The following GMFB variants were observed in gnomAD, a reference collection of about 807,000 sequenced individuals.
GMFB encodes the protein GMF-beta.
GMFB carries 13 observed loss-of-function variants against 25.6 expected under a neutral mutation model. The observed-to-expected ratio is 0.51, with a 90% CI of 0.33 to 0.81. The LOEUF (loss-of-function observed/expected upper bound fraction) is 0.81, where lower values mean the gene tolerates loss of function less well. Ranked by LOEUF, GMFB falls within the 30% of genes least tolerant of loss-of-function variation. GMFB has a pLI of 0.02. For synonymous variants in GMFB, 57 were observed against 56.9 expected (o/e 1.00, Z 0.00); for missense variants, 146 against 175.4 (o/e 0.83, Z 0.95).
chr14:54,488,976 A>G lies in GMFB; in HGVS notation c.-49T>C, dbSNP rs1179555060. 2.0e-6 allele frequency: 3 copies of G among 1,510,492 alleles called. No homozygotes were observed. The highest frequency in any genetic ancestry group is 2.7e-6 in the Non-Finnish European group (3 of 1,122,752). The allele number at this position is 1,510,492 out of a possible 1,614,324, so 93.6% of individuals were successfully genotyped here. A position where few individuals can be genotyped will look rare whatever the true frequency, so the allele number is the denominator to read the frequency against. On this transcript the variant is annotated 5_prime_UTR_variant, in exon 1 of 7. Coordinates refer to ENST00000358056, the MANE Select transcript of GMFB (RefSeq NM_004124.3). ...TGTCGCCTACACTCGGGCGCCTTTA[A>G]GAATGGCACGGCGGCCGCCTCCCTT...
At chr14:54,488,589 C>A in intron 1 of GMFB, 1 of 314,870 alleles carries the variant, frequency 3.2e-6, no homozygotes, top group Non-Finnish European at 5.8e-6. Flanking sequence ...GGGGCAGACC[C>A]CTTTCCCTCC....
rs148591944 is a variant in GMFB at position 54,474,721 on chromosome 14, T to C, written c.*3367A>G. 2 of 152,640 alleles carry C rather than the reference T, an allele frequency of 1.3e-5. No homozygotes were observed. Among genetic ancestry groups the C allele is most frequent in the Non-Finnish European group, 2.9e-5 (2 of 68,030 alleles). The allele number at this position is 152,640 out of a possible 1,614,324, so 9.5% of individuals were successfully genotyped here. A position where few individuals can be genotyped will look rare whatever the true frequency, so the allele number is the denominator to read the frequency against. ...TTGGACCATCTAAATCAGTGGGAACTGCCCTGGCATGTTAATGATCTCAAA... is the reference window on the plus strand; with the variant it reads ...TTGGACCATCTAAATCAGTGGGAACCGCCCTGGCATGTTAATGATCTCAAA... On this transcript the variant is annotated 3_prime_UTR_variant, in exon 7 of 7. Transcript: ENST00000358056.
intron 1 of GMFB, among the ~76,000 whole-genome samples, chr14:54,485,970 G>A (rs1329652132): frequency 2.6e-5 from 4 of 152,152 alleles, no homozygotes; most frequent in African/African-American, 9.7e-5. Context: ...CCAGACCCCG[G>A]GCCGGGCACA....
intron 1 of GMFB, among the ~76,000 whole-genome samples, chr14:54,487,706 T>A (rs541176404): frequency 1.4e-4 from 21 of 152,076 alleles, no homozygotes; most frequent in African/African-American, 4.8e-4. Context: ...AGAGTGAAAC[T>A]CCGACTCAAA....
chr14:54,479,700 A>C (rs984675740), intron 6 of GMFB, 86 bp downstream of exon 6: 54 of 765,054 alleles, frequency 7.1e-5, no homozygotes, highest in Middle Eastern at 2.6e-4. Flanking sequence ...CCTGCATAAA[A>C]AATACTCCTT....
At chr14:54,483,628 A>C in intron 2 of GMFB, 43 bp downstream of exon 2, 1 of 993,122 alleles carries the variant, frequency 1.0e-6, no homozygotes, top group Non-Finnish European at 1.6e-6. Flanking sequence ...GATTAAAAAC[A>C]AATTAAGACC....
chr14:54,482,324 T>C (rs1008621003), intron 2 of GMFB, 122 bp from the exon 3 acceptor site: 4 of 635,952 alleles, frequency 6.3e-6, no homozygotes, highest in South Asian at 2.0e-5. Flanking sequence ...AACAGAAGCA[T>C]ATAACTAATT....
intron 1 of GMFB, among the ~76,000 whole-genome samples, chr14:54,484,998 C>T (rs1024792885): frequency 6.6e-6 from 1 of 151,846 alleles, no homozygotes; most frequent in African/African-American, 2.4e-5. Context: ...AAACCCTCAA[C>T]AAATTGGGTA....
intron 2 of GMFB, 53 bp from the exon 3 acceptor site, chr14:54,482,255 T>A: frequency 8.9e-7 from 1 of 1,126,562 alleles, no homozygotes; most frequent in Non-Finnish European, 1.3e-6. Flanking sequence ...GACCCTGATC[T>A]GCCCAACCCA....
chr14:54,484,232 A>C (rs1281343089), intron 1 of GMFB, among the ~76,000 whole-genome samples: 1 of 152,128 alleles, frequency 6.6e-6, no homozygotes, highest in East Asian at 1.9e-4. Context: ...AAAAAAATAT[A>C]AGCAACAAAA....
At chr14:54,486,185 G>C (rs2031779791) in intron 1 of GMFB, among the ~76,000 whole-genome samples, 1 of 152,158 alleles carries the variant, frequency 6.6e-6, no homozygotes, top group South Asian at 2.1e-4. Flanking sequence ...GGGAGGCTGA[G>C]GTTGCAGTGA....
chr14:54,479,161 G>A (rs1266716738), intron 6 of GMFB: 1 of 152,014 alleles, frequency 6.6e-6, no homozygotes, highest in Non-Finnish European at 1.5e-5. Context: ...GTCTAACACA[G>A]TTTTGGCAAT....
chr14:54,481,519 A>G (rs953192093), intron 3 of GMFB, 61 bp from the exon 4 acceptor site: 1 of 1,017,392 alleles, frequency 9.8e-7, no homozygotes, highest in African/African-American at 1.6e-5. Flanking sequence ...CTTAAGAGAT[A>G]CACCAAGCAC....
chr14:54,487,903 T>C (rs1266381329), intron 1 of GMFB, among the ~76,000 whole-genome samples: 7 of 152,186 alleles, frequency 4.6e-5, no homozygotes, highest in Admixed American at 4.6e-4. Flanking sequence ...GAAAGGAGAA[T>C]AGTCTGAAAG....
In GMFB at chr14:54,474,554, A is replaced by G. The variant is rs1290737887; in HGVS notation, c.*3534T>C. 6.5e-6 allele frequency: 1 copy of G among 152,672 alleles called. No homozygotes were observed. Among genetic ancestry groups the G allele is most frequent in the African/African-American group, 2.4e-5 (1 of 41,466 alleles). 9.5% of individuals were successfully genotyped at this position (152,672 alleles called of 1,614,324 possible). On this transcript the variant is annotated 3_prime_UTR_variant, in exon 7 of 7. Coordinates refer to ENST00000358056, the MANE Select transcript of GMFB (RefSeq NM_004124.3). ...CTTAACAAAAGACTGTCCAAAATAA[A>G]CATGCAATATGAACTAGCAGAGACT...
chr14:54,478,738 T>G (rs1472527473), intron 6 of GMFB: 1 of 152,170 alleles, frequency 6.6e-6, no homozygotes, highest in Non-Finnish European at 1.5e-5. Context: ...AGCTAAATCC[T>G]AGCTCTGTCT....
chr14:54,476,461 TAAAG>T lies in GMFB; in HGVS notation c.*1623_*1626del, dbSNP rs937852537. 19 of 152,034 alleles carry T rather than the reference TAAAG, an allele frequency of 1.2e-4. No homozygotes were observed. Among genetic ancestry groups the T allele is most frequent in the African/African-American group, 4.3e-4 (18 of 41,442 alleles). 9.4% of individuals were successfully genotyped at this position (152,034 alleles called of 1,614,324 possible). ...ATTCTCCAATATCAAAATACCTGTT[TAAAG>T]AATTTTTAAACTTCCTGGGTGAGTT... On this transcript the variant is annotated 3_prime_UTR_variant, in exon 7 of 7. Transcript: ENST00000358056.
chr14:54,481,324 A>G (rs1454779099), intron 4 of GMFB, 85 bp downstream of exon 4: 1 of 870,052 alleles, frequency 1.1e-6, no homozygotes, highest in Non-Finnish European at 1.9e-6. Flanking sequence ...ACAGAAGGAT[A>G]CTTTTAGATG....
Position 54,479,963 on chromosome 14 carries a change from C to T in GMFB, c.284-104G>A, listed in dbSNP as rs906931753. Reference sequence around the variant, plus strand: ...AATGACACATTTAGGATTTCCTTTGCTATTGAGTTTACAGAATATATATGG... The same window carrying T: ...AATGACACATTTAGGATTTCCTTTGTTATTGAGTTTACAGAATATATATGG... On this transcript the variant is annotated intron_variant, in intron 5 of 6. Transcript: ENST00000358056. 13 of 703,034 alleles carry T rather than the reference C, an allele frequency of 1.8e-5. No individual in the cohort carries two copies. The African/African-American group carries it at 2.3e-4, about 13-fold the overall frequency. The allele number at this position is 703,034 out of a possible 1,614,324, so 43.5% of individuals were successfully genotyped here. A position where few individuals can be genotyped will look rare whatever the true frequency, so the allele number is the denominator to read the frequency against.
Sources: allele counts gnomAD v4.1 joint callset (sites outside exome capture counted in the v4.1 genomes callset), GRCh38; gene constraint gnomAD v4.1.1; transcripts MANE v1.5; gene names NCBI Gene and HGNC (gene_info 2026-07-23, HGNC 2026-07-21).